JAKMIP2: variants seen among roughly 807,000 people sequenced by gnomAD.
JAKMIP2 encodes janus kinase and microtubule-interacting protein 2.
JAKMIP2 carries 25 observed loss-of-function variants against 115.0 expected under a neutral mutation model. That is an observed-to-expected ratio of 0.22 (90% CI 0.16 to 0.30). The LOEUF (loss-of-function observed/expected upper bound fraction) is 0.30, where lower values mean the gene tolerates loss of function less well. Ranked by LOEUF, JAKMIP2 falls within the 10% of genes least tolerant of loss-of-function variation. The probability of loss-of-function intolerance (pLI) is 1.00; values close to 1 mark genes in which losing one functional copy is unlikely to be tolerated. For synonymous variants in JAKMIP2, 334 were observed against 343.6 expected (o/e 0.97, Z 0.31); for missense variants, 642 against 957.6 (o/e 0.67, Z 4.35).
At chr5:147,770,828 T>C (rs1755323422) in intron 1 of JAKMIP2, among the ~76,000 whole-genome samples, 1 of 152,154 alleles carries the variant, frequency 6.6e-6, no homozygotes, top group South Asian at 2.1e-4. Flanking sequence ...ATATATTTAA[T>C]GCCTATTTAC....
intron 1 of JAKMIP2, among the ~76,000 whole-genome samples, chr5:147,735,644 C>A (rs1264521094): frequency 6.6e-6 from 1 of 152,120 alleles, no homozygotes; most frequent in Non-Finnish European, 1.5e-5. Flanking sequence ...GGGACACAGC[C>A]AAACCCTATC....
intron 1 of JAKMIP2, among the ~76,000 whole-genome samples, chr5:147,688,329 A>T (rs181347930): frequency 1.3e-5 from 2 of 152,302 alleles, no homozygotes; most frequent in East Asian, 3.9e-4. Context: ...TATTTTTCCT[A>T]TGTGAAATAG....
intron 1 of JAKMIP2, among the ~76,000 whole-genome samples, chr5:147,704,316 G>A (rs973883608): frequency 5.9e-5 from 9 of 152,240 alleles, no homozygotes; most frequent in Non-Finnish European, 7.4e-5. Context: ...CCACAAACAC[G>A]TGAGTGATGC....
At chr5:147,652,302 C>G (rs998900782) in intron 3 of JAKMIP2, among the ~76,000 whole-genome samples, 6 of 152,264 alleles carry the variant, frequency 3.9e-5, no homozygotes, top group African/African-American at 1.4e-4. Flanking sequence ...AGGTACTATG[C>G]TATACTGGCT....
intron 1 of JAKMIP2, among the ~76,000 whole-genome samples, chr5:147,701,608 C>G (rs976092271): frequency 2.0e-5 from 3 of 152,160 alleles, no homozygotes; most frequent in Non-Finnish European, 2.9e-5. Context: ...AGGTCACACA[C>G]CAGCATGAAG....
chr5:147,748,136 G>T (rs566223459), intron 1 of JAKMIP2, among the ~76,000 whole-genome samples: 6 of 152,116 alleles, frequency 3.9e-5, no homozygotes, highest in Admixed American at 1.3e-4. Context: ...AGAATGCCAG[G>T]GTTCAAATCC....
chr5:147,661,091 C>T lies in JAKMIP2; in HGVS notation c.484G>A (p.Ala162Thr). ...LLQEIADLKT[A>T]KKQVDEALSN... ...AGAGCCTCGTCCACCTGCTTCTTGG[C>T]CGTTTTCAGGTCCGCAATTTCCTGT... Residue 162 changes from alanine (A) to threonine (T), a missense_variant, in exon 3 of 22, where the codon GCC becomes ACC. Physicochemically the swap from Ala to Thr is moderately conservative, Grantham distance 58. Transcript: ENST00000616793. 1 of 1,614,002 alleles carries T rather than the reference C, an allele frequency of 6.2e-7. No individual in the cohort carries two copies. The highest frequency in any genetic ancestry group is 8.5e-7 in the Non-Finnish European group (1 of 1,180,018).
At chr5:147,617,542 C>T (rs1048701841) in intron 19 of JAKMIP2, among the ~76,000 whole-genome samples, 2 of 152,066 alleles carry the variant, frequency 1.3e-5, no homozygotes, top group African/African-American at 4.8e-5. Context: ...TATTATCAGG[C>T]TTGTTTACGG....
At chr5:147,634,551 C>A (rs17106975) in intron 12 of JAKMIP2, among the ~76,000 whole-genome samples, 9,454 of 152,178 alleles carry the variant, frequency 0.062, 839 homozygotes, top group African/African-American at 0.19. Context: ...TGGAATATTT[C>A]GAGAGATTGC....
chr5:147,699,113 A>G (rs979420822), intron 1 of JAKMIP2, among the ~76,000 whole-genome samples: 2 of 152,210 alleles, frequency 1.3e-5, no homozygotes, highest in African/African-American at 4.8e-5. Flanking sequence ...GAAAATATAC[A>G]CCCATCTATT....
At chr5:147,721,104 T>G (rs1171448228) in intron 1 of JAKMIP2, among the ~76,000 whole-genome samples, 5 of 151,888 alleles carry the variant, frequency 3.3e-5, no homozygotes, top group Admixed American at 6.6e-5. Flanking sequence ...TGGAGTACCC[T>G]GCCATGTGAG....
chr5:147,704,324 T>C (rs1394149504), intron 1 of JAKMIP2, among the ~76,000 whole-genome samples: 2 of 152,192 alleles, frequency 1.3e-5, no homozygotes, highest in Non-Finnish European at 2.9e-5. Flanking sequence ...ACGTGAGTGA[T>C]GCATTGTGCT....
chr5:147,707,678 A>G lies in JAKMIP2; in HGVS notation c.-148-35724T>C, dbSNP rs539785682. ...AAATTGATAGATATATTCATTTTCCATCATGCACCACCCTTCCTAAACATT... is the reference window on the plus strand; with the variant it reads ...AAATTGATAGATATATTCATTTTCCGTCATGCACCACCCTTCCTAAACATT... On this transcript the variant is annotated intron_variant, in intron 1 of 21. Coordinates refer to ENST00000616793, the MANE Select transcript of JAKMIP2 (RefSeq NM_001270941.2). Among the ~76,000 whole-genome samples the G allele has an allele frequency of 1.9e-3, 288 of 152,298 alleles. 5 individuals carry two copies. The highest frequency in any genetic ancestry group is 2.9e-4 in the Non-Finnish European group (20 of 68,032).
In JAKMIP2 at chr5:147,628,833, A is replaced by G. The variant is rs940664368; in HGVS notation, c.1930-17T>C. On this transcript the variant is annotated splice_polypyrimidine_tract_variant and intron_variant, in intron 15 of 21. Transcript: ENST00000616793. Reference sequence around the variant, plus strand: ...TCTTAAATTCTGTAAAAAATAAGAAAGGCCGTCAGCTGAACATACTGACAT... The same window carrying G: ...TCTTAAATTCTGTAAAAAATAAGAAGGGCCGTCAGCTGAACATACTGACAT... 2 of 1,603,120 alleles carry G rather than the reference A, an allele frequency of 1.2e-6. No homozygotes were observed. Among genetic ancestry groups the G allele is most frequent in the Non-Finnish European group, 1.7e-6 (2 of 1,170,892 alleles).
chr5:147,731,783 A>G (rs1382731093), intron 1 of JAKMIP2, among the ~76,000 whole-genome samples: 1 of 152,216 alleles, frequency 6.6e-6, no homozygotes, highest in East Asian at 1.9e-4. Flanking sequence ...TAGGTCACCT[A>G]GATTTCAAAA....
At chr5:147,761,835 A>G (rs1165417199) in intron 1 of JAKMIP2, among the ~76,000 whole-genome samples, 1 of 152,138 alleles carries the variant, frequency 6.6e-6, no homozygotes, top group Admixed American at 6.6e-5. Context: ...TTAAATTATC[A>G]TAATAATAAA....
At position 147,661,314 on chromosome 5, in the gene JAKMIP2, A is replaced by G; in HGVS notation, c.261T>C (p.Ala87=). 1 of 1,613,872 alleles carries G rather than the reference A, an allele frequency of 6.2e-7. No individual in the cohort carries two copies. The change falls in exon 3 of 22, where the codon GCT becomes GCC. Residue 87 remains alanine (A), a synonymous_variant. Coordinates refer to ENST00000616793, the MANE Select transcript of JAKMIP2 (RefSeq NM_001270941.2). ...LHEEKMKELQ[A]VRENLIKQHE... Reference sequence around the variant, plus strand: ...GCTGCTTGATAAGGTTCTCCCTCACAGCCTGCAGCTCCTTCATCTTCTCCT... The same window carrying G: ...GCTGCTTGATAAGGTTCTCCCTCACGGCCTGCAGCTCCTTCATCTTCTCCT...
intron 11 of JAKMIP2, 47 bp from the exon 12 acceptor site, chr5:147,636,331 A>G: frequency 2.0e-6 from 3 of 1,511,850 alleles, no homozygotes; most frequent in South Asian, 1.1e-5. Flanking sequence ...GAGTGGCACG[A>G]AAGAGCCTGT....
At chr5:147,620,772 C>T (rs1404859068) in intron 17 of JAKMIP2, 29 bp from the exon 18 acceptor site, 2 of 1,525,268 alleles carry the variant, frequency 1.3e-6, no homozygotes, top group Non-Finnish European at 9.1e-7. Context: ...TTGATAGAGT[C>T]AGCTTAGTTA....
Sources: allele counts gnomAD v4.1 joint callset (sites outside exome capture counted in the v4.1 genomes callset), GRCh38; gene constraint gnomAD v4.1.1; transcripts MANE v1.5; gene names NCBI Gene and HGNC (gene_info 2026-07-23, HGNC 2026-07-21).